PKIB: variants seen among roughly 807,000 people sequenced by gnomAD.
PKIB encodes the protein cAMP-dependent protein kinase inhibitor beta.
PKIB carries 2 observed loss-of-function variants against 4.5 expected under a neutral mutation model. That is an observed-to-expected ratio of 0.44 (90% CI 0.18 to 1.39). The LOEUF (loss-of-function observed/expected upper bound fraction) is 1.39, where lower values mean the gene tolerates loss of function less well. Ranked by LOEUF, PKIB falls within the 40% of genes most tolerant of loss-of-function variation. The probability of loss-of-function intolerance (pLI) is 0.27; values close to 1 mark genes in which losing one functional copy is unlikely to be tolerated. For missense variants in PKIB, 94 were observed against 92.6 expected, an observed-to-expected ratio of 1.02 and a Z score of -0.06; for synonymous variants, 38 against 36.0, an observed-to-expected ratio of 1.06 and a Z score of -0.20.
intron 3 of PKIB, among the ~76,000 whole-genome samples, chr6:122,595,769 C>T (rs904121281): frequency 5.3e-5 from 8 of 152,178 alleles, no homozygotes; most frequent in African/African-American, 1.9e-4. Flanking sequence ...CCATGTGTAA[C>T]CTCCATCCCT....
At chr6:122,536,947 C>T (rs1209586038) in intron 2 of PKIB, among the ~76,000 whole-genome samples, 1 of 149,584 alleles carries the variant, frequency 6.7e-6, no homozygotes, top group Admixed American at 6.6e-5. Context: ...GCTTGGGATG[C>T]CACATTGCCT....
chr6:122,682,689 G>A (rs968283055), intron 3 of PKIB, among the ~76,000 whole-genome samples: 6 of 152,144 alleles, frequency 3.9e-5, no homozygotes, highest in African/African-American at 1.4e-4. Context: ...ATCACCTCTC[G>A]TCTGCTGCTC....
chr6:122,526,249 T>C (rs1777090403), intron 2 of PKIB, among the ~76,000 whole-genome samples: 1 of 152,154 alleles, frequency 6.6e-6, no homozygotes, highest in African/African-American at 2.4e-5. Flanking sequence ...AGAGCTGGAA[T>C]GAACTTTTGA....
chr6:122,499,950 T>G (rs750857752), intron 2 of PKIB, among the ~76,000 whole-genome samples: 2 of 152,102 alleles, frequency 1.3e-5, no homozygotes, highest in Non-Finnish European at 2.9e-5. Context: ...CCATTTACAA[T>G]AGCCACATAA....
intron 2 of PKIB, among the ~76,000 whole-genome samples, chr6:122,491,838 A>G (rs2114538952): frequency 6.6e-6 from 1 of 152,332 alleles, no homozygotes; most frequent in East Asian, 1.9e-4. Context: ...TTATCTAGAA[A>G]ACTAAGGTTA....
chr6:122,500,287 A>G (rs749809707), intron 2 of PKIB, among the ~76,000 whole-genome samples: 2 of 149,784 alleles, frequency 1.3e-5, no homozygotes, highest in Non-Finnish European at 3.0e-5. Flanking sequence ...TAGAGATTAT[A>G]TCACATTCTT....
At chr6:122,594,694 GT>G (rs953118775) in intron 3 of PKIB, among the ~76,000 whole-genome samples, 2 of 152,090 alleles carry the variant, frequency 1.3e-5, no homozygotes, top group Non-Finnish European at 2.9e-5. Context: ...ACAGGTCGTG[GT>G]TTTTTTCCTG....
chr6:122,497,287 C>T (rs1026193016), intron 2 of PKIB, among the ~76,000 whole-genome samples: 1 of 152,110 alleles, frequency 6.6e-6, no homozygotes, highest in South Asian at 2.1e-4. Flanking sequence ...AAGTATATAG[C>T]CCACAGAACC....
intron 3 of PKIB, among the ~76,000 whole-genome samples, chr6:122,684,547 T>C (rs150644965): frequency 6.6e-6 from 1 of 152,270 alleles, no homozygotes; most frequent in Admixed American, 6.5e-5. Context: ...CTGATGTTTA[T>C]TCTTGAAAAA....
chr6:122,619,048 T>A (rs1016549469), intron 1 of PKIB, among the ~76,000 whole-genome samples: 8 of 152,152 alleles, frequency 5.3e-5, no homozygotes, highest in Non-Finnish European at 1.0e-4. Flanking sequence ...TTTTAGTTAT[T>A]TTTATGAATT....
upstream of PKIB, among the ~76,000 whole-genome samples, chr6:122,607,299 C>A (rs117949944): frequency 0.031 from 4,731 of 151,896 alleles, 118 homozygotes; most frequent in Middle Eastern, 0.11. Flanking sequence ...CATAGCAAAA[C>A]CCCGTCTCTA....
intron 3 of PKIB, among the ~76,000 whole-genome samples, chr6:122,713,263 G>A (rs1037646529): frequency 1.3e-5 from 2 of 152,098 alleles, no homozygotes; most frequent in African/African-American, 4.8e-5. Context: ...GCTCCTGTAA[G>A]CAGCCACAGT....
chr6:122,702,997 A>G (rs548158588), intron 3 of PKIB, among the ~76,000 whole-genome samples: 1 of 152,308 alleles, frequency 6.6e-6, no homozygotes, highest in Admixed American at 6.5e-5. Context: ...CCAAAATGTA[A>G]GAACTTGTGA....
chr6:122,553,478 C>CTTTTTTTTTT (rs1562249215), intron 2 of PKIB, among the ~76,000 whole-genome samples: 8 of 48,920 alleles, frequency 1.6e-4, no homozygotes, highest in South Asian at 1.9e-3. Context: ...GCTCAAATAT[C>CTTTTTTTTTT]TTCTTTTTTT....
chr6:122,484,957 T>C (rs777119735), intron 2 of PKIB, among the ~76,000 whole-genome samples: 1 of 152,186 alleles, frequency 6.6e-6, no homozygotes, highest in African/African-American at 2.4e-5. Context: ...ACTCTTACAC[T>C]GCCTCGTGTT....
chr6:122,579,569 A>G (rs1279632520), intron 2 of PKIB, among the ~76,000 whole-genome samples: 1 of 152,190 alleles, frequency 6.6e-6, no homozygotes, highest in African/African-American at 2.4e-5. Flanking sequence ...ATCAATAATT[A>G]GTAAAAAAGC....
At chr6:122,701,099 T>C (rs1778795644) in intron 3 of PKIB, 1 of 196,024 alleles carries the variant, frequency 5.1e-6, no homozygotes, top group Non-Finnish European at 1.0e-5. Context: ...TGCACCTCGA[T>C]GCCCTTCGGA....
At chr6:122,618,754 A>C (rs961576794) in intron 1 of PKIB, among the ~76,000 whole-genome samples, 1 of 152,108 alleles carries the variant, frequency 6.6e-6, no homozygotes, top group African/African-American at 2.4e-5. Context: ...TATAAACAAT[A>C]GCATAGTAGA....
At chr6:122,619,025 T>G (rs1295993819) in intron 1 of PKIB, among the ~76,000 whole-genome samples, 1 of 152,178 alleles carries the variant, frequency 6.6e-6, no homozygotes, top group African/African-American at 2.4e-5. Context: ...TGATTGGTAG[T>G]GAGGCAGAAT....
Sources: allele counts gnomAD v4.1 joint callset (sites outside exome capture counted in the v4.1 genomes callset), GRCh38; gene constraint gnomAD v4.1.1; transcripts MANE v1.5; gene names NCBI Gene and HGNC (gene_info 2026-07-23, HGNC 2026-07-21).